Variants in MYO5A observed in about 807,000 individuals in gnomAD.
MYO5A encodes the protein myosin VA, also known as unconventional myosin-Va.
A neutral mutation model predicts 249.7 loss-of-function variants in MYO5A; 98 were observed. The observed-to-expected ratio is 0.39, with a 90% CI of 0.33 to 0.46. The LOEUF is 0.46. MYO5A is among the 20% of genes least tolerant of loss of function. The probability of loss-of-function intolerance (pLI) is 0.98; values close to 1 mark genes in which losing one functional copy is unlikely to be tolerated. For missense variants in MYO5A, 1,696 were observed against 2,308.8 expected, an observed-to-expected ratio of 0.73 and a Z score of 5.44; for synonymous variants, 778 against 810.6, an observed-to-expected ratio of 0.96 and a Z score of 0.68.
intron 1 of MYO5A, among the ~76,000 whole-genome samples, chr15:52,447,303 C>A (rs1264545480): frequency 6.6e-6 from 1 of 152,066 alleles, no homozygotes; most frequent in African/African-American, 2.4e-5. Context: ...TTCTCTCTCC[C>A]CAATCCTTGC....
At chr15:52,369,228 T>C (rs1036565454) in intron 22 of MYO5A, among the ~76,000 whole-genome samples, 6 of 152,182 alleles carry the variant, frequency 3.9e-5, no homozygotes, top group African/African-American at 1.4e-4. Context: ...TAGTTCTCAC[T>C]GCATGTGCTG....
intron 2 of MYO5A, 116 bp from the exon 3 acceptor site, chr15:52,428,685 T>C (rs2075450580): frequency 1.0e-5 from 11 of 1,071,970 alleles, no homozygotes; most frequent in Non-Finnish European, 1.6e-5. Context: ...AAATGCATTA[T>C]TTTCCTAGCA....
At chr15:52,333,766 G>A (rs1372096445) in intron 34 of MYO5A, among the ~76,000 whole-genome samples, 1 of 152,186 alleles carries the variant, frequency 6.6e-6, no homozygotes, top group Non-Finnish European at 1.5e-5. Flanking sequence ...GGCAAGAGTT[G>A]TGCTATTTTA....
intron 1 of MYO5A, among the ~76,000 whole-genome samples, chr15:52,459,542 A>G (rs1009388668): frequency 2.6e-5 from 4 of 152,208 alleles, no homozygotes; most frequent in African/African-American, 9.6e-5. Context: ...AGTACAGAAC[A>G]AAATGGAGTC....
chr15:52,418,978 C>A (rs1409798314), intron 4 of MYO5A, among the ~76,000 whole-genome samples: 2 of 152,188 alleles, frequency 1.3e-5, no homozygotes, highest in African/African-American at 4.8e-5. Flanking sequence ...TTCATATCTT[C>A]CAAGATCATC....
chr15:52,332,257 C>A (rs1182662810), intron 34 of MYO5A, among the ~76,000 whole-genome samples: 1 of 152,198 alleles, frequency 6.6e-6, no homozygotes, highest in Non-Finnish European at 1.5e-5. Context: ...TTTAAACCCA[C>A]TGATTTATCA....
In MYO5A at chr15:52,467,458, T is replaced by C. The variant is rs148184802; in HGVS notation, c.28-34173A>G. On this transcript the variant is annotated intron_variant, in intron 1 of 41. Coordinates refer to ENST00000399233, the MANE Select transcript of MYO5A (RefSeq NM_001382347.1). ...TCTCAAAACTTGAAGACAAGTCTTT[T>C]GAAATAACATAATCAGACAAAAGTG... Among the ~76,000 whole-genome samples the C allele has an allele frequency of 5.8e-4, 88 of 152,272 alleles. 1 individual carries two copies. In the East Asian group the frequency reaches 0.017, roughly 29 times the overall value.
At chr15:52,362,703 C>T (rs921109381) in intron 24 of MYO5A, among the ~76,000 whole-genome samples, 10 of 152,184 alleles carry the variant, frequency 6.6e-5, no homozygotes, top group African/African-American at 2.4e-4. Context: ...ACTAAAACTA[C>T]CTCTAGAGCA....
chr15:52,313,604 C>G lies in MYO5A; in HGVS notation c.*92G>C, dbSNP rs2037853166. ...ATTTGGGAGATAATCAGTACTTTCTCTTTAAAAATGTATTTTCAGTAACTC... is the reference window on the plus strand; with the variant it reads ...ATTTGGGAGATAATCAGTACTTTCTGTTTAAAAATGTATTTTCAGTAACTC... On this transcript the variant is annotated 3_prime_UTR_variant, in exon 42 of 42. Coordinates refer to ENST00000399233, the MANE Select transcript of MYO5A (RefSeq NM_001382347.1). 1.3e-6 allele frequency: 2 copies of G among 1,488,654 alleles called. No homozygotes were observed. Among genetic ancestry groups the G allele is most frequent in the African/African-American group, 2.8e-5 (2 of 71,898 alleles). 92.2% of individuals were successfully genotyped at this position (1,488,654 alleles called of 1,614,324 possible).
chr15:52,396,507 G>A lies in MYO5A; in HGVS notation c.1320-110C>T, dbSNP rs994989946. 3 of 679,388 alleles carry A rather than the reference G, an allele frequency of 4.4e-6. No homozygotes were observed. In the African/African-American group the frequency reaches 5.5e-5, roughly 12 times the overall value. 42.1% of individuals were successfully genotyped at this position (679,388 alleles called of 1,614,324 possible). ...AAGAAGTGGGACATTCCCCAACATTGTAAAACTTTCTTTCCATATCAGTGA... is the reference window on the plus strand; with the variant it reads ...AAGAAGTGGGACATTCCCCAACATTATAAAACTTTCTTTCCATATCAGTGA... On this transcript the variant is annotated intron_variant, in intron 10 of 41. Transcript: ENST00000399233.
At chr15:52,353,402 C>G (rs1016268176) in intron 27 of MYO5A, among the ~76,000 whole-genome samples, 1 of 152,234 alleles carries the variant, frequency 6.6e-6, no homozygotes, top group African/African-American at 2.4e-5. Context: ...TTCTCCTGTT[C>G]CTGTTAAGAC....
At chr15:52,420,910 G>C (rs1293318489) in intron 4 of MYO5A, among the ~76,000 whole-genome samples, 1 of 152,120 alleles carries the variant, frequency 6.6e-6, no homozygotes, top group Non-Finnish European at 1.5e-5. Context: ...TCAAATCTCA[G>C]CTCTTAGATA....
chr15:52,409,787 C>A (rs1478031600), intron 6 of MYO5A, among the ~76,000 whole-genome samples: 2 of 152,110 alleles, frequency 1.3e-5, no homozygotes, highest in African/African-American at 4.8e-5. Flanking sequence ...CTCCCACTTA[C>A]CAATCAAAAG....
intron 2 of MYO5A, among the ~76,000 whole-genome samples, chr15:52,430,379 C>A (rs539084311): frequency 2.0e-5 from 3 of 152,294 alleles, no homozygotes; most frequent in African/African-American, 7.2e-5. Flanking sequence ...TTAGAGAAGA[C>A]ACTAATTTGA....
At chr15:52,402,067 G>A (rs547311883) in intron 9 of MYO5A, among the ~76,000 whole-genome samples, 10 of 152,254 alleles carry the variant, frequency 6.6e-5, no homozygotes, top group African/African-American at 2.4e-4. Flanking sequence ...CTTTTCTGAT[G>A]GGACTCCACT....
chr15:52,421,725 G>T (rs965896074), intron 4 of MYO5A, among the ~76,000 whole-genome samples: 1 of 152,126 alleles, frequency 6.6e-6, no homozygotes, highest in African/African-American at 2.4e-5. Context: ...CAAACATAAA[G>T]ATAACAAATG....
intron 1 of MYO5A, among the ~76,000 whole-genome samples, chr15:52,480,839 A>G (rs1412082862): frequency 2.6e-5 from 4 of 152,214 alleles, no homozygotes; most frequent in African/African-American, 4.8e-5. Flanking sequence ...GTGCCAAACC[A>G]TAGCTTCCTT....
intron 25 of MYO5A, among the ~76,000 whole-genome samples, chr15:52,356,811 T>A (rs11070893): frequency 0.057 from 8,385 of 148,274 alleles, 452 homozygotes; most frequent in East Asian, 0.12. Flanking sequence ...TTTTTTTTTT[T>A]TTTTTTTATT....
At position 52,309,726 on chromosome 15, in the gene MYO5A, A is replaced by G. The variant is rs189677539; in HGVS notation, c.*3970T>C. Reference sequence around the variant, plus strand: ...ATCTGGACCCAGGTACTGTTTCTGCATTACTTTCAACAGGATGCACTAGTT... The same window carrying G: ...ATCTGGACCCAGGTACTGTTTCTGCGTTACTTTCAACAGGATGCACTAGTT... On this transcript the variant is annotated 3_prime_UTR_variant, in exon 42 of 42. Transcript: ENST00000399233. 2 of 152,344 alleles carry G rather than the reference A, an allele frequency of 1.3e-5. No individual in the cohort carries two copies. The highest frequency in any genetic ancestry group is 1.9e-4 in the East Asian group (1 of 5,186). The allele number at this position is 152,344 out of a possible 1,614,324, so 9.4% of individuals were successfully genotyped here.
Sources: allele counts gnomAD v4.1 joint callset (sites outside exome capture counted in the v4.1 genomes callset), GRCh38; gene constraint gnomAD v4.1.1; transcripts MANE v1.5; gene names NCBI Gene and HGNC (gene_info 2026-07-23, HGNC 2026-07-21).